Variants in CTNNA1 observed in about 807,000 individuals in gnomAD.
CTNNA1 encodes catenin alpha-1.
Under a neutral mutation model 98.4 loss-of-function variants are expected in CTNNA1, and 37 were observed. The observed-to-expected ratio is 0.38, with a 90% CI of 0.29 to 0.49. The LOEUF (loss-of-function observed/expected upper bound fraction) is 0.49, where lower values mean the gene tolerates loss of function less well. CTNNA1 is among the 20% of genes least tolerant of loss of function. The pLI is 0.95. For missense variants in CTNNA1, 761 were observed against 1,147.2 expected, an observed-to-expected ratio of 0.66 and a Z score of 4.86; for synonymous variants, 404 against 413.2, an observed-to-expected ratio of 0.98 and a Z score of 0.27.
At chr5:138,889,730 A>G (rs1754941911) in intron 9 of CTNNA1, among the ~76,000 whole-genome samples, 1 of 147,882 alleles carries the variant, frequency 6.8e-6, no homozygotes, top group African/African-American at 2.5e-5. Context: ...CCACACGTTA[A>G]CTATGCATTA....
intron 10 of CTNNA1, among the ~76,000 whole-genome samples, chr5:138,907,414 C>A (rs1170954278): frequency 6.6e-6 from 1 of 152,204 alleles, no homozygotes; most frequent in Non-Finnish European, 1.5e-5. Context: ...TTTTTGAAAT[C>A]TTTGAGGAGG....
At chr5:138,883,539 T>G (rs1437190891) in intron 7 of CTNNA1, among the ~76,000 whole-genome samples, 1 of 152,230 alleles carries the variant, frequency 6.6e-6, no homozygotes, top group Non-Finnish European at 1.5e-5. Context: ...TGTAATTCTT[T>G]CAAAAGTCAA....
intron 7 of CTNNA1, 54 bp from the exon 8 acceptor site, chr5:138,886,158 C>G: frequency 6.3e-7 from 1 of 1,581,790 alleles, no homozygotes; most frequent in South Asian, 1.1e-5. Flanking sequence ...TATAGGCTAT[C>G]ATTAGGTTTC....
intron 11 of CTNNA1, among the ~76,000 whole-genome samples, chr5:138,921,876 A>G (rs1414666474): frequency 6.6e-6 from 1 of 151,608 alleles, no homozygotes; most frequent in African/African-American, 2.4e-5. Context: ...CTGGGATTAC[A>G]GGCATGAGCC....
intron 3 of CTNNA1, among the ~76,000 whole-genome samples, chr5:138,807,356 T>G (rs1408875477): frequency 6.6e-6 from 1 of 151,800 alleles, no homozygotes; most frequent in Non-Finnish European, 1.5e-5. Context: ...AGGTGGTAAC[T>G]CCCTTAACTC....
intron 7 of CTNNA1, among the ~76,000 whole-genome samples, chr5:138,854,783 G>A (rs900169121): frequency 6.6e-6 from 1 of 152,086 alleles, no homozygotes; most frequent in African/African-American, 2.4e-5. Context: ...GGGTAATGAT[G>A]GCTTATGTAA....
chr5:138,763,181 A>G (rs1235645847), intron 1 of CTNNA1, among the ~76,000 whole-genome samples: 1 of 152,088 alleles, frequency 6.6e-6, no homozygotes, highest in East Asian at 1.9e-4. Context: ...ATAATCCTGT[A>G]TTTATTAACT....
At chr5:138,895,777 C>T (rs1040722680) in intron 9 of CTNNA1, among the ~76,000 whole-genome samples, 1 of 152,032 alleles carries the variant, frequency 6.6e-6, no homozygotes. Context: ...GTGATACGTG[C>T]AAGTTGTCCA....
At position 138,874,351 on chromosome 5, in the gene CTNNA1, G is replaced by C. The variant is rs188705575; in HGVS notation, c.1063-11861G>C. ...CTCTTTCGAGCTCTGTGATGTGATT[G>C]TGCCTCAGGGACAGGCCCAGAGAGC... is the stretch of plus-strand genomic sequence containing the variant. On this transcript the variant is annotated intron_variant, in intron 7 of 17. Transcript: ENST00000302763. The surrounding 1 kb of genome is among the most constrained non-coding windows in gnomAD (Gnocchi z 4.1). 1.2e-5 allele frequency: 20 copies of C among 1,614,024 alleles called. No homozygotes were observed. In the Admixed American group the frequency reaches 2.7e-4, roughly 22 times the overall value.
intron 7 of CTNNA1, among the ~76,000 whole-genome samples, chr5:138,834,288 A>G (rs1761562617): frequency 6.6e-6 from 1 of 152,196 alleles, no homozygotes; most frequent in African/African-American, 2.4e-5. Flanking sequence ...TTCATTATAT[A>G]TTGTCCATAA....
rs140121702 is a variant in CTNNA1 at position 138,873,347 on chromosome 5, A to G, written c.1063-12865A>G. On this transcript the variant is annotated intron_variant, in intron 7 of 17. Transcript: ENST00000302763. This position sits in a 1 kb window ranked among gnomAD's most constrained non-coding sequence, Gnocchi z 6.1. The stretch of plus-strand genomic sequence containing the variant: ...TTCAGGAAAGTGTTCCTCGGTAGTA[A>G]CTGCTATGCCTGCAGTAGTTGGGAT... 13 of 1,614,066 alleles carry G rather than the reference A, an allele frequency of 8.1e-6. No individual in the cohort carries two copies. The East Asian group carries it at 2.5e-4, about 30-fold the overall frequency.
intron 10 of CTNNA1, among the ~76,000 whole-genome samples, chr5:138,914,500 G>A (rs995085948): frequency 9.9e-5 from 15 of 152,152 alleles, no homozygotes; most frequent in African/African-American, 3.6e-4. Context: ...TTATGGAAGT[G>A]TTGGGCTATT....
intron 1 of CTNNA1, among the ~76,000 whole-genome samples, chr5:138,756,607 G>T (rs150998339): frequency 0.011 from 1,731 of 152,300 alleles, 9 homozygotes; most frequent in Non-Finnish European, 0.016. Flanking sequence ...GAAAGACTCC[G>T]TGTGTTTAGA....
intron 1 of CTNNA1, among the ~76,000 whole-genome samples, chr5:138,780,714 C>G (rs1012662274): frequency 2.6e-5 from 4 of 151,884 alleles, no homozygotes; most frequent in African/African-American, 9.7e-5. Context: ...CAGGGTTTAT[C>G]CTTGTTGGTC....
chr5:138,833,762 C>A (rs1761506890), intron 7 of CTNNA1, among the ~76,000 whole-genome samples: 1 of 152,114 alleles, frequency 6.6e-6, no homozygotes, highest in South Asian at 2.1e-4. Flanking sequence ...AACTTGTATT[C>A]TTTTAATACT....
intron 7 of CTNNA1, among the ~76,000 whole-genome samples, chr5:138,849,910 C>A (rs1763042014): frequency 6.6e-6 from 1 of 151,978 alleles, no homozygotes; most frequent in Admixed American, 6.6e-5. Context: ...TGCCTCTCAT[C>A]CCTGTTACCT....
intron 5 of CTNNA1, among the ~76,000 whole-genome samples, chr5:138,818,050 A>T (rs1417425937): frequency 2.6e-5 from 4 of 151,390 alleles, no homozygotes; most frequent in Admixed American, 1.3e-4. Context: ...AGCTGGGATT[A>T]CTGGTGTGAG....
intron 7 of CTNNA1, among the ~76,000 whole-genome samples, chr5:138,842,741 G>T (rs1762377167): frequency 6.6e-6 from 1 of 152,114 alleles, no homozygotes; most frequent in African/African-American, 2.4e-5. Flanking sequence ...TAAGAAATTT[G>T]TTTGAGTTTT....
In CTNNA1 at chr5:138,925,377, G is replaced by A. The variant is rs2150295663; in HGVS notation, c.1869G>A (p.Arg623=). 1.2e-6 allele frequency: 2 copies of A among 1,614,166 alleles called. No individual in the cohort carries two copies. Among genetic ancestry groups the A allele is most frequent in the South Asian group, 1.1e-5 (1 of 91,084 alleles). ...CCCGCCTGGTATATGATGGCATCCG[G>A]GACATCAGGAAAGCAGTGCTGATGA... The part of the protein sequence containing the change: ...DASRLVYDGI[R]DIRKAVLMIR... Residue 623 remains arginine (R), a synonymous_variant, in exon 13 of 18, where the codon CGG becomes CGA. Coordinates refer to ENST00000302763, the MANE Select transcript of CTNNA1 (RefSeq NM_001903.5).
Sources: gnomAD v4.1 joint callset for allele counts (sites outside exome capture counted in the v4.1 genomes callset) on GRCh38, gnomAD v4.1.1 for gene constraint, Gnocchi (gnomAD v3.1) non-coding constraint, MANE v1.5 for transcripts, NCBI Gene and HGNC (gene_info 2026-07-23, HGNC 2026-07-21) for gene names.